The following DPP10 variants were observed in gnomAD, a reference collection of about 807,000 sequenced individuals.
The protein encoded by DPP10 is dipeptidyl peptidase like 10.
In DPP10, 33 loss-of-function variants were observed where a neutral mutation model predicts 120.9. The ratio of observed to expected loss-of-function variants is 0.27; its 90% CI spans 0.21 to 0.37. The LOEUF is 0.37. Ranked by LOEUF, DPP10 falls within the 10% of genes least tolerant of loss-of-function variation. The pLI is 1.00. For missense variants in DPP10, 816 were observed against 942.8 expected (o/e 0.87, Z 1.76); for synonymous variants, 337 against 326.1 (o/e 1.03, Z -0.36).
chr2:115,411,051 T>G (rs1269042988), intron 3 of DPP10, among the ~76,000 whole-genome samples: 3 of 152,092 alleles, frequency 2.0e-5, no homozygotes, highest in Non-Finnish European at 1.5e-5. Context: ...CTTTAGGGGC[T>G]GGGCGCAGTA....
intron 3 of DPP10, among the ~76,000 whole-genome samples, chr2:115,400,975 A>G (rs2068031913): frequency 6.6e-6 from 1 of 152,214 alleles, no homozygotes; most frequent in Non-Finnish European, 1.5e-5. Flanking sequence ...GGTGGGAACA[A>G]CTGAGCAAAA....
chr2:115,324,017 A>G (rs548688819), intron 2 of DPP10, among the ~76,000 whole-genome samples: 16 of 152,294 alleles, frequency 1.1e-4, no homozygotes, highest in African/African-American at 3.6e-4. Flanking sequence ...TCTCCTTTGA[A>G]GCTTTGAAAC....
At chr2:114,599,070 T>C (rs896556588) in intron 1 of DPP10, among the ~76,000 whole-genome samples, 2 of 151,856 alleles carry the variant, frequency 1.3e-5, no homozygotes, top group East Asian at 1.9e-4. Flanking sequence ...GCAATTACTA[T>C]ATTATTTGAA....
chr2:115,351,564 A>G (rs774593656), intron 3 of DPP10, among the ~76,000 whole-genome samples: 4 of 152,224 alleles, frequency 2.6e-5, no homozygotes, highest in African/African-American at 7.2e-5. Context: ...GTAAAAACAC[A>G]TAGGAGGCTA....
chr2:115,830,965 A>G (rs1230357917), intron 21 of DPP10, among the ~76,000 whole-genome samples: 1 of 152,116 alleles, frequency 6.6e-6, no homozygotes, highest in Non-Finnish European at 1.5e-5. Context: ...AGTCACTTCT[A>G]AGGTTTAAAG....
chr2:115,297,979 TC>T (rs2060964714), intron 1 of DPP10, among the ~76,000 whole-genome samples: 1 of 152,090 alleles, frequency 6.6e-6, no homozygotes, highest in Non-Finnish European at 1.5e-5. Context: ...GGATGTCTTT[TC>T]TCTCTGTGTT....
intron 3 of DPP10, among the ~76,000 whole-genome samples, chr2:115,393,962 A>T (rs2067493023): frequency 6.6e-6 from 1 of 152,188 alleles, no homozygotes; most frequent in Admixed American, 6.6e-5. Context: ...AGTTGAATGT[A>T]TACATTGAGG....
At chr2:115,780,573 A>G (rs918909291) in intron 15 of DPP10, among the ~76,000 whole-genome samples, 3 of 151,862 alleles carry the variant, frequency 2.0e-5, no homozygotes, top group African/African-American at 7.2e-5. Context: ...AAAAAACAGT[A>G]AGTTAATTTG....
At chr2:115,516,974 G>A (rs916826811) in intron 4 of DPP10, among the ~76,000 whole-genome samples, 3 of 152,020 alleles carry the variant, frequency 2.0e-5, no homozygotes, top group Admixed American at 6.6e-5. Context: ...ACCATGTATT[G>A]GAAAGACTGT....
chr2:115,107,567 A>C lies in DPP10; in HGVS notation c.61-201672A>C, dbSNP rs369814580. On this transcript the variant is annotated intron_variant, in intron 1 of 25. Coordinates refer to ENST00000410059, the MANE Select transcript of DPP10 (RefSeq NM_020868.6). ...TTTTAAACAATGACTCAGATTAGCT[A>C]GCTAGCTAGGTAGGTAGGTAGATAA... Among the ~76,000 whole-genome samples the C allele has an allele frequency of 9.2e-5, 14 of 151,668 alleles. No homozygotes were observed. The East Asian group carries it at 2.1e-3, about 23-fold the overall frequency.
In DPP10 at chr2:114,475,551, ATTGT is replaced by A. The variant is rs544296695; in HGVS notation, c.60+32715_60+32718del. ...TAATGTATCAGAATCACCTGGGATG[ATTGT>A]TAAAAATGCAGAATTCAGGGATCCA... On this transcript the variant is annotated intron_variant, in intron 1 of 25. Coordinates refer to ENST00000410059, the MANE Select transcript of DPP10 (RefSeq NM_020868.6). Among the ~76,000 whole-genome samples the A allele has an allele frequency of 5.2e-3, 786 of 152,132 alleles. 5 individuals are homozygous for A. The highest frequency in any genetic ancestry group is 0.035 in the South Asian group (170 of 4,818).
chr2:115,609,369 G>A (rs1374013947), intron 5 of DPP10, among the ~76,000 whole-genome samples: 1 of 152,026 alleles, frequency 6.6e-6, no homozygotes, highest in Non-Finnish European at 1.5e-5. Flanking sequence ...CACAAAGAAA[G>A]TTGATATGAG....
chr2:114,564,510 T>A (rs933530719), intron 1 of DPP10, among the ~76,000 whole-genome samples: 19 of 152,174 alleles, frequency 1.2e-4, no homozygotes, highest in Non-Finnish European at 2.4e-4. Context: ...AACTATATAT[T>A]CCATGATATA....
chr2:115,492,316 A>G (rs1206293941), intron 3 of DPP10, among the ~76,000 whole-genome samples: 1 of 152,192 alleles, frequency 6.6e-6, no homozygotes, highest in East Asian at 1.9e-4. Flanking sequence ...TGAGCAGCAT[A>G]TGGAAAGAGA....
chr2:115,257,685 A>G (rs1022828030), intron 1 of DPP10, among the ~76,000 whole-genome samples: 4 of 152,146 alleles, frequency 2.6e-5, no homozygotes, highest in Non-Finnish European at 5.9e-5. Flanking sequence ...TTTCATCTGG[A>G]TAGGATGTAC....
At chr2:115,832,062 T>C (rs928504815) in intron 21 of DPP10, among the ~76,000 whole-genome samples, 1 of 152,232 alleles carries the variant, frequency 6.6e-6, no homozygotes, top group Non-Finnish European at 1.5e-5. Flanking sequence ...AAAGCGTTCT[T>C]ATATCTACCT....
At chr2:114,851,530 C>G (rs1413685314) in intron 1 of DPP10, among the ~76,000 whole-genome samples, 1 of 152,138 alleles carries the variant, frequency 6.6e-6, no homozygotes, top group East Asian at 1.9e-4. Context: ...AGGCACTGTG[C>G]TAGACTTTAG....
intron 7 of DPP10, among the ~76,000 whole-genome samples, chr2:115,719,300 A>G (rs543571158): frequency 4.0e-4 from 61 of 152,296 alleles, no homozygotes; most frequent in Non-Finnish European, 7.8e-4. Flanking sequence ...GAAAATGCAT[A>G]AAGTGCTGCA....
chr2:114,556,234 CAT>C (rs56772742), intron 1 of DPP10, among the ~76,000 whole-genome samples: 5,348 of 86,690 alleles, frequency 0.062, 149 homozygotes, highest in Non-Finnish European at 0.081. Context: ...ATAGATGATA[CAT>C]ATATATATAT....
Sources: allele counts gnomAD v4.1 joint callset (sites outside exome capture counted in the v4.1 genomes callset), GRCh38; gene constraint gnomAD v4.1.1; transcripts MANE v1.5; gene names NCBI Gene and HGNC (gene_info 2026-07-23, HGNC 2026-07-21).